The following ENTPD1 variants were observed in gnomAD, a reference collection of about 807,000 sequenced individuals.
ENTPD1 encodes the protein ATP diphosphohydrolase.
Under a neutral mutation model 57.0 loss-of-function variants are expected in ENTPD1, and 33 were observed. The observed-to-expected ratio is 0.58, with a 90% confidence interval of 0.44 to 0.77. The LOEUF is 0.77. ENTPD1 is among the 30% of genes least tolerant of loss of function. ENTPD1 has a pLI of 0.00. For missense variants in ENTPD1, 501 were observed against 603.4 expected (o/e 0.83, Z 1.78); for synonymous variants, 202 against 218.8 (o/e 0.92, Z 0.68).
chr10:95,846,675 T>C (rs2098436296), intron 6 of ENTPD1, among the ~76,000 whole-genome samples: 1 of 152,060 alleles, frequency 6.6e-6, no homozygotes, highest in African/African-American at 2.4e-5. Flanking sequence ...TCTTCCCTAG[T>C]AGGTTGTGGG....
intron 6 of ENTPD1, 74 bp from the exon 7 acceptor site, chr10:95,847,372 T>C (rs1445447724): frequency 5.1e-6 from 8 of 1,575,544 alleles, no homozygotes; most frequent in African/African-American, 1.3e-5. Flanking sequence ...TGCCTACATA[T>C]TGATTAAGTC....
intron 1 of ENTPD1, among the ~76,000 whole-genome samples, chr10:95,745,337 C>T (rs1304725038): frequency 2.0e-5 from 3 of 152,138 alleles, no homozygotes; most frequent in Non-Finnish European, 4.4e-5. Flanking sequence ...CATGAGCCAC[C>T]ATGCCCAGCT....
At chr10:95,719,531 G>A (rs1373401557) in intron 1 of ENTPD1, among the ~76,000 whole-genome samples, 5 of 152,208 alleles carry the variant, frequency 3.3e-5, no homozygotes, top group African/African-American at 4.8e-5. Flanking sequence ...GGCTGGATAC[G>A]TTCCTTACTG....
intron 1 of ENTPD1, among the ~76,000 whole-genome samples, chr10:95,819,672 G>T (rs1248573988): frequency 1.3e-5 from 2 of 152,120 alleles, no homozygotes; most frequent in African/African-American, 4.8e-5. Flanking sequence ...TCTGTCAGGT[G>T]AAGAGTTGAA....
upstream of ENTPD1, chr10:95,711,764 A>G: frequency 1.5e-6 from 1 of 687,168 alleles, no homozygotes. Context: ...TCAGGTCTTC[A>G]TTCTGCAGTC....
chr10:95,701,894 AGAATAC>A, the ENTPD1 span, among the ~76,000 whole-genome samples: 1 of 152,160 alleles, frequency 6.6e-6, no homozygotes, highest in African/African-American at 2.4e-5. Context: ...TTAAACAACT[AGAATAC>A]ATAGAACAAA....
chr10:95,808,706 G>A (rs573765020), intron 1 of ENTPD1, among the ~76,000 whole-genome samples: 1 of 143,946 alleles, frequency 6.9e-6, no homozygotes, highest in South Asian at 2.3e-4. Context: ...TACTTTGACA[G>A]ATTATTTTAG....
chr10:95,746,886 T>C (rs2098006640), intron 1 of ENTPD1, among the ~76,000 whole-genome samples: 2 of 152,242 alleles, frequency 1.3e-5, no homozygotes, highest in Non-Finnish European at 2.9e-5. Context: ...TGATAGACTG[T>C]CAAAGCACAA....
chr10:95,752,298 G>T (rs1181439023), upstream of ENTPD1, among the ~76,000 whole-genome samples: 9 of 152,154 alleles, frequency 5.9e-5, no homozygotes, highest in African/African-American at 9.7e-5. Context: ...CAAGTAGCTT[G>T]TTTGTGAAGG....
chr10:95,832,029 A>G (rs1419245658), intron 2 of ENTPD1, among the ~76,000 whole-genome samples: 2 of 152,244 alleles, frequency 1.3e-5, no homozygotes, highest in Non-Finnish European at 2.9e-5. Flanking sequence ...ATAATCATTA[A>G]TCAAATAATC....
intron 1 of ENTPD1, among the ~76,000 whole-genome samples, chr10:95,759,835 A>G (rs1266550803): frequency 1.3e-5 from 2 of 152,164 alleles, no homozygotes; most frequent in African/African-American, 4.8e-5. Context: ...CAAAAATTCC[A>G]TGATATTGGT....
intron 1 of ENTPD1, among the ~76,000 whole-genome samples, chr10:95,811,377 C>T (rs879419376): frequency 1.5e-4 from 23 of 152,134 alleles, no homozygotes; most frequent in Admixed American, 4.6e-4. Context: ...CCTATGTACC[C>T]AATGTTCACC....
At chr10:95,814,112 T>G (rs1231340023) in intron 1 of ENTPD1, among the ~76,000 whole-genome samples, 1 of 152,236 alleles carries the variant, frequency 6.6e-6, no homozygotes, top group Non-Finnish European at 1.5e-5. Context: ...TTGTTACGCC[T>G]TTTGGCTGGG....
chr10:95,731,912 A>G (rs2097989728), intron 1 of ENTPD1, among the ~76,000 whole-genome samples: 1 of 149,146 alleles, frequency 6.7e-6, no homozygotes, highest in Non-Finnish European at 1.5e-5. Flanking sequence ...CTTCCCGAGT[A>G]CCTGCGATTA....
chr10:95,752,681 A>G (rs1406724949), upstream of ENTPD1, among the ~76,000 whole-genome samples: 1 of 152,106 alleles, frequency 6.6e-6, no homozygotes, highest in Non-Finnish European at 1.5e-5. Context: ...AAAAGTTACC[A>G]TATTAATCAT....
intron 3 of ENTPD1, among the ~76,000 whole-genome samples, chr10:95,841,912 G>A (rs1269768190): frequency 6.6e-6 from 1 of 152,186 alleles, no homozygotes; most frequent in Non-Finnish European, 1.5e-5. Flanking sequence ...GTTAGTGGCA[G>A]CTTCCATCTT....
upstream of ENTPD1, among the ~76,000 whole-genome samples, chr10:95,710,331 G>T (rs1160291922): frequency 1.3e-5 from 2 of 152,134 alleles, no homozygotes. Context: ...CTTGAACAGA[G>T]GAGGTGGAGG....
chr10:95,725,005 C>T (rs2097982106), intron 1 of ENTPD1, among the ~76,000 whole-genome samples: 2 of 152,142 alleles, frequency 1.3e-5, no homozygotes, highest in African/African-American at 4.8e-5. Context: ...TGAAATGGTC[C>T]CATAGATCTC....
At chr10:95,750,026 A>AG (rs1163104238) in intron 1 of ENTPD1, among the ~76,000 whole-genome samples, 16 of 152,122 alleles carry the variant, frequency 1.1e-4, no homozygotes, top group Non-Finnish European at 1.8e-4. Flanking sequence ...TAATAAGAAG[A>AG]GGTCAGGTCC....
Sources: gnomAD v4.1 joint callset for allele counts (sites outside exome capture counted in the v4.1 genomes callset) on GRCh38, gnomAD v4.1.1 for gene constraint, MANE v1.5 for transcripts, NCBI Gene and HGNC (gene_info 2026-07-23, HGNC 2026-07-21) for gene names.